Variants in PTPRD observed in about 807,000 individuals in gnomAD.
The protein encoded by PTPRD is protein tyrosine phosphatase receptor type D.
PTPRD carries 34 observed loss-of-function variants against 214.5 expected under a neutral mutation model. The ratio of observed to expected loss-of-function variants is 0.16; its 90% CI spans 0.12 to 0.21. PTPRD has a LOEUF of 0.21. Ranked by LOEUF, PTPRD falls within the 10% of genes least tolerant of loss-of-function variation. The pLI is 1.00. For missense variants in PTPRD, 2,545 were observed against 2,398.7 expected (o/e 1.06, Z -1.27); for synonymous variants, 1,128 against 845.7 (o/e 1.33, Z -5.79).
chr9:9,137,704 G>C (rs1170389336), intron 10 of PTPRD, among the ~76,000 whole-genome samples: 2 of 151,998 alleles, frequency 1.3e-5, no homozygotes, highest in Admixed American at 6.6e-5. Flanking sequence ...AATCATTACT[G>C]TACTCTCACA....
intron 12 of PTPRD, among the ~76,000 whole-genome samples, chr9:8,665,917 C>CA (rs896303191): frequency 1.3e-5 from 2 of 151,792 alleles, no homozygotes; most frequent in Admixed American, 6.6e-5. Flanking sequence ...ACTACTGTCA[C>CA]AAAAAAATGC....
At chr9:8,830,207 T>G (rs1156949072) in intron 11 of PTPRD, among the ~76,000 whole-genome samples, 1 of 152,116 alleles carries the variant, frequency 6.6e-6, no homozygotes, top group Non-Finnish European at 1.5e-5. Flanking sequence ...GTCTCACAGC[T>G]TACAAGGGGA....
intron 6 of PTPRD, among the ~76,000 whole-genome samples, chr9:9,749,650 C>T (rs920023472): frequency 1.3e-5 from 2 of 152,026 alleles, no homozygotes; most frequent in African/African-American, 4.8e-5. Flanking sequence ...AGAGGAATGC[C>T]TTTTTAATAA....
intron 2 of PTPRD, among the ~76,000 whole-genome samples, chr9:10,430,425 T>C (rs999898226): frequency 2.0e-4 from 31 of 151,910 alleles, no homozygotes; most frequent in Non-Finnish European, 1.2e-4. Context: ...TATATACAGA[T>C]AGATAGATAC....
chr9:9,852,994 G>T (rs1386130466), intron 5 of PTPRD, among the ~76,000 whole-genome samples: 1 of 152,068 alleles, frequency 6.6e-6, no homozygotes, highest in African/African-American at 2.4e-5. Flanking sequence ...CACTAAATAG[G>T]ATCACCCTTA....
intron 7 of PTPRD, among the ~76,000 whole-genome samples, chr9:9,668,752 C>A (rs567954996): frequency 1.8e-4 from 27 of 152,230 alleles, no homozygotes; most frequent in African/African-American, 6.5e-4. Flanking sequence ...TTCGTTTCAT[C>A]TTTAATTGAT....
intron 10 of PTPRD, among the ~76,000 whole-genome samples, chr9:9,056,379 T>G (rs575333136): frequency 6.6e-6 from 1 of 152,300 alleles, no homozygotes; most frequent in South Asian, 2.1e-4. Context: ...ATAGTTATGC[T>G]TGACCTAGAT....
chr9:8,748,842 G>A (rs572418146), intron 11 of PTPRD, among the ~76,000 whole-genome samples: 63 of 152,120 alleles, frequency 4.1e-4, no homozygotes, highest in African/African-American at 1.2e-3. Flanking sequence ...ACCCAGGAGC[G>A]GGGGTTGTGG....
At chr9:9,220,668 T>C (rs1445479044) in intron 9 of PTPRD, among the ~76,000 whole-genome samples, 2 of 152,122 alleles carry the variant, frequency 1.3e-5, no homozygotes, top group Non-Finnish European at 2.9e-5. Context: ...AATATTGATG[T>C]AGTTAGTATT....
intron 10 of PTPRD, among the ~76,000 whole-genome samples, chr9:9,035,708 A>G (rs1346566438): frequency 6.6e-6 from 1 of 152,086 alleles, no homozygotes; most frequent in African/African-American, 2.4e-5. Flanking sequence ...CATCTTGAAA[A>G]TATGTGTGTA....
intron 11 of PTPRD, among the ~76,000 whole-genome samples, chr9:8,734,828 C>T (rs2098700407): frequency 6.6e-6 from 1 of 152,156 alleles, no homozygotes; most frequent in Non-Finnish European, 1.5e-5. Context: ...CCAGATAATG[C>T]TATAAAAGAT....
intron 8 of PTPRD, among the ~76,000 whole-genome samples, chr9:9,542,271 A>G (rs2077765257): frequency 6.6e-6 from 1 of 151,736 alleles, no homozygotes; most frequent in Non-Finnish European, 1.5e-5. Flanking sequence ...TTAGGTGACA[A>G]ACAGGTATCT....
At chr9:9,837,183 T>A (rs2057008860) in intron 5 of PTPRD, among the ~76,000 whole-genome samples, 1 of 152,028 alleles carries the variant, frequency 6.6e-6, no homozygotes, top group Admixed American at 6.6e-5. Context: ...TCAATGTAGC[T>A]CCCAGTTTGC....
intron 4 of PTPRD, among the ~76,000 whole-genome samples, chr9:9,947,559 ATATTTTATATATATATT>A (rs2092907084): frequency 2.3e-5 from 1 of 43,002 alleles, no homozygotes; most frequent in Non-Finnish European, 3.7e-5. Flanking sequence ...TATTATATAT[ATATTTTATATATATATT>A]ATATATATAT....
chr9:9,106,428 C>T lies in PTPRD; in HGVS notation c.-143+76876G>A, dbSNP rs1376884657. ...CAGCATCCATAAGAGTTATGATCCT[C>T]ACTTTAAAATTATAAGCTATAGTTA... On this transcript the variant is annotated intron_variant, in intron 10 of 45. Coordinates refer to ENST00000381196, the MANE Select transcript of PTPRD (RefSeq NM_002839.4). 3.3e-5 allele frequency among the ~76,000 whole-genome samples: 5 copies of T among 151,726 alleles called. No homozygotes were observed. In the East Asian group the frequency reaches 9.7e-4, roughly 29 times the overall value.
intron 14 of PTPRD, among the ~76,000 whole-genome samples, chr9:8,576,081 T>C (rs2092316419): frequency 6.6e-6 from 1 of 152,242 alleles, no homozygotes; most frequent in Admixed American, 6.5e-5. Context: ...AAATAATGTT[T>C]GCACAAACTG....
At chr9:8,662,044 G>A (rs1282086971) in intron 12 of PTPRD, among the ~76,000 whole-genome samples, 1 of 152,128 alleles carries the variant, frequency 6.6e-6, no homozygotes, top group Non-Finnish European at 1.5e-5. Context: ...AGCCTCCTGA[G>A]TGGCTGGGAC....
chr9:10,541,540 T>C (rs1381133831), intron 2 of PTPRD, among the ~76,000 whole-genome samples: 5 of 151,862 alleles, frequency 3.3e-5, no homozygotes, highest in African/African-American at 1.2e-4. Flanking sequence ...TCCTTATATA[T>C]ATTTATATAA....
chr9:9,622,089 A>T (rs757459656), intron 7 of PTPRD, among the ~76,000 whole-genome samples: 7 of 152,210 alleles, frequency 4.6e-5, no homozygotes, highest in Non-Finnish European at 8.8e-5. Flanking sequence ...CAGACTCTAC[A>T]TAGAAAGTAT....
Sources: allele counts gnomAD v4.1 joint callset (sites outside exome capture counted in the v4.1 genomes callset), GRCh38; gene constraint gnomAD v4.1.1; transcripts MANE v1.5; gene names NCBI Gene and HGNC (gene_info 2026-07-23, HGNC 2026-07-21).